The following DNAH8 variants were observed in gnomAD, a reference collection of about 807,000 sequenced individuals.
The protein encoded by DNAH8 is axonemal beta dynein heavy chain 8.
Under a neutral mutation model 562.1 loss-of-function variants are expected in DNAH8, and 382 were observed. The ratio of observed to expected loss-of-function variants is 0.68; its 90% CI spans 0.63 to 0.74. DNAH8 has a LOEUF of 0.74. Ranked by LOEUF, DNAH8 falls within the 30% of genes least tolerant of loss-of-function variation. The pLI, the probability that DNAH8 is intolerant of heterozygous loss-of-function variation, is 0.00. For synonymous variants in DNAH8, 1,881 were observed against 1,919.4 expected, an observed-to-expected ratio of 0.98 and a Z score of 0.52; for missense variants, 5,203 against 5,620.4, an observed-to-expected ratio of 0.93 and a Z score of 2.37.
At chr6:38,795,228 T>C (rs745986602) in intron 21 of DNAH8, among the ~76,000 whole-genome samples, 2 of 152,190 alleles carry the variant, frequency 1.3e-5, no homozygotes, top group Non-Finnish European at 2.9e-5. Flanking sequence ...TTTCATCATC[T>C]CAAACTAAAA....
chr6:38,909,473 T>C (rs1780717226), intron 64 of DNAH8, 45 bp from the exon 65 acceptor site: 9 of 1,579,628 alleles, frequency 5.7e-6, no homozygotes, highest in Middle Eastern at 1.7e-4. Flanking sequence ...GGCTGACTTA[T>C]AACCCCTCTG....
At chr6:38,931,699 C>T in intron 75 of DNAH8, 112 bp from the exon 76 acceptor site, 1 of 580,792 alleles carries the variant, frequency 1.7e-6, no homozygotes, top group East Asian at 3.1e-5. Flanking sequence ...ACTTTCCTTC[C>T]CAATTTATTG....
chr6:38,812,973 G>A (rs76345291), intron 24 of DNAH8, among the ~76,000 whole-genome samples: 3,592 of 152,232 alleles, frequency 0.024, 76 homozygotes, highest in Middle Eastern at 0.037. Context: ...TATGGAAAGT[G>A]GCTGGCATAC....
intron 79 of DNAH8, among the ~76,000 whole-genome samples, chr6:38,940,266 T>C (rs1783331449): frequency 6.6e-6 from 1 of 151,776 alleles, no homozygotes; most frequent in South Asian, 2.1e-4. Context: ...GTGTAGAGAT[T>C]AAGGAAGTAA....
intron 70 of DNAH8, among the ~76,000 whole-genome samples, chr6:38,918,898 G>A (rs1019009791): frequency 6.6e-6 from 1 of 152,048 alleles, no homozygotes; most frequent in Non-Finnish European, 1.5e-5. Flanking sequence ...GTGGGCAGGG[G>A]GTTACTGTTT....
rs146473766 is a variant in DNAH8, at chr6:38,944,782, T to A, written c.12008-685T>A. On this transcript the variant is annotated intron_variant, in intron 79 of 92. Coordinates refer to ENST00000327475, the MANE Select transcript of DNAH8 (RefSeq NM_001206927.2). ...CAGTGTCTGGAACATGTCAAACACC[T>A]GGAGGGCGCTCAATAAATATTTGTT... Among the ~76,000 whole-genome samples the A allele has an allele frequency of 5.3e-5, 8 of 152,326 alleles. No individual in the cohort carries two copies. The East Asian group carries it at 1.5e-3, about 29-fold the overall frequency.
intron 72 of DNAH8, chr6:38,923,705 G>A (rs1781895631): frequency 2.8e-6 from 1 of 363,588 alleles, no homozygotes; most frequent in Non-Finnish European, 4.9e-6. Flanking sequence ...AAGAGCAAGG[G>A]ACAGGATGGG....
rs375999111 is a variant in DNAH8 at position 38,782,159 on chromosome 6, G to A, written c.2259+786G>A. ...AAATTAAAACCCTGAGTCCCTACTCGGGGGACTCAGTTGCTGATTGACTTT... is the reference window on the plus strand; with the variant it reads ...AAATTAAAACCCTGAGTCCCTACTCAGGGGACTCAGTTGCTGATTGACTTT... On this transcript the variant is annotated intron_variant, in intron 16 of 92. Coordinates refer to ENST00000327475, the MANE Select transcript of DNAH8 (RefSeq NM_001206927.2). Among the ~76,000 whole-genome samples, 48 of 152,044 alleles carry A rather than the reference G, an allele frequency of 3.2e-4. 1 individual carries two copies. Among genetic ancestry groups the A allele is most frequent in the Middle Eastern group, 6.8e-3 (2 of 294 alleles).
intron 31 of DNAH8, among the ~76,000 whole-genome samples, chr6:38,833,365 A>G (rs572109904): frequency 1.3e-5 from 2 of 150,354 alleles, no homozygotes. Context: ...AGTCACTTAT[A>G]TAATGTTTTT....
intron 87 of DNAH8, among the ~76,000 whole-genome samples, chr6:38,985,111 T>A (rs1764298554): frequency 6.6e-6 from 1 of 152,220 alleles, no homozygotes; most frequent in Admixed American, 6.5e-5. Flanking sequence ...AATTGGAAAT[T>A]GAGGAAGTGT....
chr6:38,866,841 C>T lies in DNAH8; in HGVS notation c.6658C>T (p.Leu2220Phe). 1.9e-6 allele frequency: 3 copies of T among 1,612,520 alleles called. No individual in the cohort carries two copies. Among genetic ancestry groups the T allele is most frequent in the Non-Finnish European group, 2.5e-6 (3 of 1,179,010 alleles). The change falls in exon 47 of 93, where the codon CTT becomes TTT. Residue 2220 changes from leucine to phenylalanine, a missense_variant. Leu to Phe is a conservative substitution (Grantham distance 22). Around this residue, in one of 6 missense-constraint regions of DNAH8, gnomAD observed 2,176 missense variants for 2,365.1 expected, o/e 0.92. Transcript: ENST00000327475. ...TATCTTGGCTCAAAAATTTTACGTTCTTTACAAACTCTGTGAAGAGCAACT... is the reference window on the plus strand; with the variant it reads ...TATCTTGGCTCAAAAATTTTACGTTTTTTACAAACTCTGTGAAGAGCAACT... The part of the protein sequence containing the change: ...NVILAQKFYV[L>F]YKLCEEQLTK...
At chr6:38,776,537 A>C (rs943626238) in intron 13 of DNAH8, among the ~76,000 whole-genome samples, 2 of 152,182 alleles carry the variant, frequency 1.3e-5, no homozygotes, top group Non-Finnish European at 2.9e-5. Flanking sequence ...ATATACATTA[A>C]AATTTGTATT....
At chr6:38,955,403 G>A (rs1042449729) in intron 82 of DNAH8, among the ~76,000 whole-genome samples, 5 of 152,218 alleles carry the variant, frequency 3.3e-5, no homozygotes, top group African/African-American at 1.2e-4. Flanking sequence ...GGCCGAGGTG[G>A]GTGGATCATC....
intron 30 of DNAH8, among the ~76,000 whole-genome samples, chr6:38,830,767 A>C (rs1307348235): frequency 6.6e-6 from 1 of 152,090 alleles, no homozygotes; most frequent in African/African-American, 2.4e-5. Flanking sequence ...TTTGTCACTT[A>C]TACTGAAGCA....
rs2150297015 is a variant in DNAH8, at chr6:38,803,327, A to C, written c.3034+16A>C. The stretch of plus-strand genomic sequence containing the variant: ...AAACAGTCAGGTAACTTTTCTCGTT[A>C]CTGTGTTTGAATTACAAGATCTACA... On this transcript the variant is annotated intron_variant, in intron 22 of 92. Coordinates refer to ENST00000327475, the MANE Select transcript of DNAH8 (RefSeq NM_001206927.2). 6.3e-7 allele frequency: 1 copy of C among 1,590,824 alleles called. No homozygotes were observed. The highest frequency in any genetic ancestry group is 8.6e-7 in the Non-Finnish European group (1 of 1,166,986).
intron 12 of DNAH8, among the ~76,000 whole-genome samples, chr6:38,773,749 T>C (rs952644667): frequency 1.3e-5 from 2 of 152,160 alleles, no homozygotes; most frequent in African/African-American, 4.8e-5. Flanking sequence ...AAGAGGTGGT[T>C]ACTGAGCTGC....
intron 85 of DNAH8, among the ~76,000 whole-genome samples, chr6:38,975,390 C>T (rs1763604752): frequency 6.6e-6 from 1 of 152,090 alleles, no homozygotes; most frequent in South Asian, 2.1e-4. Flanking sequence ...GGGTGAAGGA[C>T]AAAATAAATC....
chr6:38,962,144 T>C (rs535576647), intron 82 of DNAH8, among the ~76,000 whole-genome samples: 1 of 152,138 alleles, frequency 6.6e-6, no homozygotes, highest in East Asian at 1.9e-4. Context: ...ATAAAAGTAG[T>C]TAGAATAAAT....
chr6:38,947,416 G>A (rs1204329987), intron 80 of DNAH8, among the ~76,000 whole-genome samples: 1 of 152,222 alleles, frequency 6.6e-6, no homozygotes, highest in Non-Finnish European at 1.5e-5. Flanking sequence ...CAAGGGTCAG[G>A]AAAAGGAATG....
Sources: gnomAD v4.1 joint callset for allele counts (sites outside exome capture counted in the v4.1 genomes callset) on GRCh38, gnomAD v4.1.1 for gene constraint, gnomAD v4.1.1 regional missense constraint, MANE v1.5 for transcripts, NCBI Gene and HGNC (gene_info 2026-07-23, HGNC 2026-07-21) for gene names.